FGGY: variants seen among roughly 807,000 people sequenced by gnomAD.
The protein encoded by FGGY is FGGY carbohydrate kinase domain-containing protein.
A neutral mutation model predicts 71.3 loss-of-function variants in FGGY; 72 were observed. That is an observed-to-expected ratio of 1.01 (90% CI 0.84 to 1.23). The LOEUF (loss-of-function observed/expected upper bound fraction) is 1.23, where lower values mean the gene tolerates loss of function less well. Among genes scored for constraint, FGGY ranks in the 50% most tolerant of loss-of-function variants. FGGY has a pLI of 0.00. For synonymous variants in FGGY, 251 were observed against 250.3 expected (o/e 1.00, Z -0.02); for missense variants, 668 against 682.3 (o/e 0.98, Z 0.23).
chr1:59,475,881 G>A (rs534557424), intron 6 of FGGY, among the ~76,000 whole-genome samples: 14 of 152,288 alleles, frequency 9.2e-5, no homozygotes, highest in African/African-American at 3.4e-4. Flanking sequence ...ATGTAAATCA[G>A]ATCATGTTAC....
chr1:59,675,787 G>A (rs1181430987), intron 14 of FGGY, among the ~76,000 whole-genome samples: 1 of 152,106 alleles, frequency 6.6e-6, no homozygotes, highest in African/African-American at 2.4e-5. Flanking sequence ...TTCTGCAGAG[G>A]TTACCCTGTG....
chr1:59,745,269 A>G (rs949136422), intron 14 of FGGY, among the ~76,000 whole-genome samples: 6 of 152,188 alleles, frequency 3.9e-5, no homozygotes, highest in Non-Finnish European at 8.8e-5. Context: ...GCTTAGAAGA[A>G]TTGGAGATCC....
intron 14 of FGGY, among the ~76,000 whole-genome samples, chr1:59,723,275 AATC>A (rs757961756): frequency 2.2e-4 from 34 of 152,190 alleles, no homozygotes; most frequent in Non-Finnish European, 4.3e-4. Flanking sequence ...TTCTGTATGT[AATC>A]ATCTTTTTGA....
At chr1:59,330,381 C>T (rs542572508) in intron 2 of FGGY, among the ~76,000 whole-genome samples, 95 of 152,040 alleles carry the variant, frequency 6.2e-4, no homozygotes, top group African/African-American at 2.3e-3. Context: ...CCCGCCTGGT[C>T]AACATGGCAA....
chr1:59,762,308 G>A (rs2006964), intron 15 of FGGY, among the ~76,000 whole-genome samples, 195 bp from the exon 16 acceptor site: 5,747 of 152,242 alleles, frequency 0.038, 113 homozygotes, highest in Non-Finnish European at 0.046. Flanking sequence ...CTAAATTGGA[G>A]ATAATAAAAC....
chr1:59,386,449 A>G (rs1354342371), intron 5 of FGGY, among the ~76,000 whole-genome samples: 1 of 152,110 alleles, frequency 6.6e-6, no homozygotes, highest in East Asian at 1.9e-4. Flanking sequence ...AAGCGAACAC[A>G]CTCTTATCAC....
chr1:59,640,843 G>A (rs1024399212), intron 11 of FGGY, among the ~76,000 whole-genome samples: 5 of 151,048 alleles, frequency 3.3e-5, no homozygotes, highest in African/African-American at 4.9e-5. Flanking sequence ...TTATGAGACT[G>A]TTTATTCATC....
At chr1:59,421,212 C>T (rs1300534850) in intron 5 of FGGY, among the ~76,000 whole-genome samples, 1 of 152,138 alleles carries the variant, frequency 6.6e-6, no homozygotes, top group Admixed American at 6.5e-5. Context: ...CGTGGTGTGT[C>T]ACCCTTATTT....
intron 6 of FGGY, among the ~76,000 whole-genome samples, chr1:59,508,809 G>C (rs568221414): frequency 1.3e-5 from 2 of 152,176 alleles, no homozygotes; most frequent in African/African-American, 2.4e-5. Context: ...TGAGGAGAAG[G>C]CTGGTTCACT....
chr1:59,452,506 TTCA>T lies in FGGY; in HGVS notation c.555-4450_555-4448del, dbSNP rs538718382. On this transcript the variant is annotated intron_variant, in intron 5 of 15. Coordinates refer to ENST00000303721, the MANE Select transcript of FGGY (RefSeq NM_018291.5). ...ATCATTAAAAGATTCTACCATATTT[TTCA>T]TCATTTCTACTTCTGTGGGACTTGC... Among the ~76,000 whole-genome samples the T allele has an allele frequency of 3.0e-3, 452 of 152,344 alleles. 2 individuals are homozygous for T. Among genetic ancestry groups the T allele is most frequent in the African/African-American group, 0.01 (435 of 41,576 alleles).
chr1:59,457,568 C>T (rs60443663), intron 6 of FGGY, among the ~76,000 whole-genome samples: 3,699 of 151,986 alleles, frequency 0.024, 168 homozygotes, highest in African/African-American at 0.086. Context: ...GAGCTGAGAT[C>T]GTGCCACTGC....
At chr1:59,420,991 G>A (rs2065307759) in intron 5 of FGGY, among the ~76,000 whole-genome samples, 1 of 151,768 alleles carries the variant, frequency 6.6e-6, no homozygotes, top group Admixed American at 6.6e-5. Context: ...GAAAAATCCA[G>A]TGTTGTCTTA....
chr1:59,617,370 G>A (rs891432815), intron 9 of FGGY, among the ~76,000 whole-genome samples: 12 of 152,066 alleles, frequency 7.9e-5, no homozygotes, highest in African/African-American at 1.7e-4. Context: ...CCATTACAAA[G>A]CAATTATTTC....
At chr1:59,673,831 T>A (rs2097405689) in intron 13 of FGGY, 3 of 535,764 alleles carry the variant, frequency 5.6e-6, no homozygotes. Context: ...TCCCTTGGGC[T>A]CTTGGCTACT....
chr1:59,496,092 A>G (rs1444506827), intron 6 of FGGY, among the ~76,000 whole-genome samples: 2 of 152,174 alleles, frequency 1.3e-5, no homozygotes, highest in Non-Finnish European at 1.5e-5. Flanking sequence ...CATTTTAATA[A>G]TATTGATTCC....
intron 8 of FGGY, among the ~76,000 whole-genome samples, chr1:59,595,335 A>G (rs9436596): frequency 0.15 from 22,549 of 152,048 alleles, 1,941 homozygotes; most frequent in Admixed American, 0.25. Flanking sequence ...AAAAAATGAC[A>G]GTAAGAGCAA....
chr1:59,596,350 T>A (rs1215992343), intron 8 of FGGY, among the ~76,000 whole-genome samples: 1 of 151,984 alleles, frequency 6.6e-6, no homozygotes, highest in African/African-American at 2.4e-5. Context: ...AAGGGACATA[T>A]TCCATTTAGG....
In FGGY at chr1:59,367,914, T is replaced by A. The variant is rs192459779; in HGVS notation, c.466-10835T>A. On this transcript the variant is annotated intron_variant, in intron 4 of 15. Coordinates refer to ENST00000303721, the MANE Select transcript of FGGY (RefSeq NM_018291.5). ...TGAAGTAATAATTTTTTCTTTTTTT[T>A]AAAAAAAGCTGTTCTCTTTGGTTGC... 5.2e-3 allele frequency among the ~76,000 whole-genome samples: 789 copies of A among 152,246 alleles called. 4 individuals carry two copies. Among genetic ancestry groups the A allele is most frequent in the African/African-American group, 9.0e-3 (373 of 41,546 alleles).
chr1:59,723,278 C>A (rs1243117338), intron 14 of FGGY, among the ~76,000 whole-genome samples: 3 of 152,080 alleles, frequency 2.0e-5, no homozygotes, highest in Non-Finnish European at 4.4e-5. Context: ...TGTATGTAAT[C>A]ATCTTTTTGA....
Sources: gnomAD v4.1 joint callset for allele counts (sites outside exome capture counted in the v4.1 genomes callset) on GRCh38, gnomAD v4.1.1 for gene constraint, MANE v1.5 for transcripts, NCBI Gene and HGNC (gene_info 2026-07-23, HGNC 2026-07-21) for gene names.